The following UBE2O variants were observed in gnomAD, a reference collection of about 807,000 sequenced individuals.
The protein encoded by UBE2O is ubiquitin conjugating enzyme E2 O.
In UBE2O, 15 loss-of-function variants were observed where a neutral mutation model predicts 125.8. That is an observed-to-expected ratio of 0.12 (90% CI 0.08 to 0.18). UBE2O has a LOEUF of 0.18. Among genes scored for constraint, UBE2O ranks in the 10% least tolerant of loss-of-function variants. The pLI is 1.00. For missense variants in UBE2O, 1,280 were observed against 1,723.6 expected (o/e 0.74, Z 4.56); for synonymous variants, 708 against 703.2 (o/e 1.01, Z -0.11).
At chr17:76,412,679 G>A (rs1269615015) in intron 1 of UBE2O, among the ~76,000 whole-genome samples, 3 of 152,166 alleles carry the variant, frequency 2.0e-5, no homozygotes, top group East Asian at 1.9e-4. Flanking sequence ...CAAGACAGGG[G>A]TCACGTGTGT....
intron 1 of UBE2O, among the ~76,000 whole-genome samples, chr17:76,411,910 T>C (rs2072523487): frequency 6.6e-6 from 1 of 152,080 alleles, no homozygotes; most frequent in East Asian, 1.9e-4. Context: ...CTTGAACTCC[T>C]GAGCTCAAGT....
intron 1 of UBE2O, among the ~76,000 whole-genome samples, chr17:76,406,692 GTTT>G (rs66834782): frequency 9.9e-4 from 70 of 70,910 alleles, no homozygotes; most frequent in East Asian, 4.1e-3. Flanking sequence ...AGCCCAAGTT[GTTT>G]TTTTTTTTTT....
Position 76,398,148 on chromosome 17 carries a change from G to A in UBE2O, c.2025+107C>T. 29 of 1,486,104 alleles carry A rather than the reference G, an allele frequency of 2.0e-5. No individual in the cohort carries two copies. The highest frequency in any genetic ancestry group is 2.7e-5 in the Non-Finnish European group (29 of 1,078,440). 92.1% of individuals were successfully genotyped at this position (1,486,104 alleles called of 1,614,324 possible). On this transcript the variant is annotated intron_variant, in intron 12 of 17. Coordinates refer to ENST00000319380, the MANE Select transcript of UBE2O (RefSeq NM_022066.4). The surrounding 1 kb of genome is among the most constrained non-coding windows in gnomAD (Gnocchi z 5.4). ...CCCTTCTGAGGACACTGAGCCCAGA[G>A]GACTTTCAGGTCTTGTCTCCTAGAG...
rs542215423 is a variant in UBE2O, at chr17:76,452,095, T to TC, written c.417+629dup. ...ATCCCGGTCGCAGCTGTCAGAATCC[T>TC]CCCCCCCAAGTACTATTCATACCGG... On this transcript the variant is annotated intron_variant, in intron 1 of 17. Transcript: ENST00000319380. The surrounding 1 kb of genome is among the most constrained non-coding windows in gnomAD (Gnocchi z 4.4). Among the ~76,000 whole-genome samples the TC allele has an allele frequency of 2.3e-3, 342 of 151,834 alleles. 1 individual carries two copies. The highest frequency in any genetic ancestry group is 3.5e-3 in the South Asian group (17 of 4,812).
rs2072299613 is a variant in UBE2O at position 76,400,426 on chromosome 17, T to C, written c.1004+15A>G. The C allele has an allele frequency of 3.7e-6, 6 of 1,604,780 alleles. No individual in the cohort carries two copies. The highest frequency in any genetic ancestry group is 3.3e-4 in the Middle Eastern group (2 of 6,016). On this transcript the variant is annotated intron_variant, in intron 7 of 17. Coordinates refer to ENST00000319380, the MANE Select transcript of UBE2O (RefSeq NM_022066.4). The surrounding 1 kb of genome is among the most constrained non-coding windows in gnomAD (Gnocchi z 4.3). Reference sequence around the variant, plus strand: ...ACGCGTGCCCCTGGGTTGCTGGCAGTAAGGGCATGCTTACCTGCCTAGGTT... The same window carrying C: ...ACGCGTGCCCCTGGGTTGCTGGCAGCAAGGGCATGCTTACCTGCCTAGGTT...
At chr17:76,448,198 G>A (rs2073181066) in intron 1 of UBE2O, among the ~76,000 whole-genome samples, 1 of 152,166 alleles carries the variant, frequency 6.6e-6, no homozygotes, top group Admixed American at 6.5e-5. Context: ...GGGCTAGAAG[G>A]GGAAAAATCA....
rs1179340323 is a variant in UBE2O, at chr17:76,410,952, G to A, written c.418-5380C>T. Among the ~76,000 whole-genome samples, 1 of 149,864 alleles carries A rather than the reference G, an allele frequency of 6.7e-6. No homozygotes were observed. Among genetic ancestry groups the A allele is most frequent in the Admixed American group, 6.7e-5 (1 of 14,836 alleles). ...CAAATTCACTGTATAAAGTGATCCA[G>A]GAATAGAAAACACAAACTGAGGCTG... On this transcript the variant is annotated intron_variant, in intron 1 of 17. Transcript: ENST00000319380. The surrounding 1 kb of genome is among the most constrained non-coding windows in gnomAD (Gnocchi z 4.0).
Position 76,391,159 on chromosome 17 carries a change from C to A in UBE2O, c.3663G>T (p.Glu1221Asp). ...ASRDHTDQTS[E>D]TAPDASVPPS... ...GTGGCACCGATGCGTCTGGTGCGGT[C>A]TCCGAAGTCTGGTCTGTGTGGTCCC... Residue 1221 changes from glutamate to aspartate, a missense_variant, in exon 18 of 18, where the codon GAG becomes GAT. By Grantham distance (45) the Glu-to-Asp change is conservative. This residue lies in a region of UBE2O where 233 missense variants were observed against 279.0 expected (regional missense o/e 0.84). Transcript: ENST00000319380. This position sits in a 1 kb window ranked among gnomAD's most constrained non-coding sequence, Gnocchi z 8.4. 6.2e-7 allele frequency: 1 copy of A among 1,613,604 alleles called. No homozygotes were observed. Among genetic ancestry groups the A allele is most frequent in the Non-Finnish European group, 8.5e-7 (1 of 1,179,742 alleles).
chr17:76,442,368 C>CG (rs1187987529), intron 1 of UBE2O, among the ~76,000 whole-genome samples: 1 of 152,090 alleles, frequency 6.6e-6, no homozygotes, highest in African/African-American at 2.4e-5. Context: ...ACACCTAGTA[C>CG]GGGGGGTGGG....
intron 1 of UBE2O, among the ~76,000 whole-genome samples, chr17:76,409,811 C>T (rs375380912): frequency 6.6e-6 from 1 of 152,156 alleles, no homozygotes; most frequent in East Asian, 1.9e-4. Flanking sequence ...AGTTGCCCTC[C>T]GAGGAGAGGG....
chr17:76,391,522 G>T lies in UBE2O; in HGVS notation c.3300C>A (p.Tyr1100Ter), dbSNP rs771684298. Residue 1100 changes from tyrosine (Y) to a stop codon, truncating the protein, a stop_gained, in exon 18 of 18, where the codon TAC (tyrosine) becomes TAA (stop). Transcript: ENST00000319380. LOFTEE classifies it high-confidence loss of function. This position sits in a 1 kb window ranked among gnomAD's most constrained non-coding sequence, Gnocchi z 8.4. ...CCACGCGGATCAGCGCCATCTCATT[G>T]TAACAGCGACTGTTTTCATAGCCTT... ...LQEGYENSRC[Y>*]NEMALIRVVQ... 6.2e-7 allele frequency: 1 copy of T among 1,614,098 alleles called. No individual in the cohort carries two copies. The highest frequency in any genetic ancestry group is 8.5e-7 in the Non-Finnish European group (1 of 1,180,042).
At chr17:76,408,826 T>C (rs1485240837) in intron 1 of UBE2O, among the ~76,000 whole-genome samples, 7 of 152,068 alleles carry the variant, frequency 4.6e-5, no homozygotes, top group Admixed American at 3.9e-4. Context: ...CAATCCCTAC[T>C]GTTAAGGGGT....
In UBE2O at chr17:76,453,092, G is replaced by T. The variant is rs887079483; in HGVS notation, c.50C>A (p.Ala17Asp). The T allele has an allele frequency of 3.3e-5, 35 of 1,060,634 alleles. No individual in the cohort carries two copies. The highest frequency in any genetic ancestry group is 6.6e-4 in the Middle Eastern group (2 of 3,028). 65.7% of individuals were successfully genotyped at this position (1,060,634 alleles called of 1,614,324 possible). ...GACTGCCTCCGGGGCTGGAGCCGGG[G>T]CCTGGGCTGGAGCGGGAGCTGCGGG... ...PTPAAPAPAQ[A>D]PAPAPEAVPA... The change falls in exon 1 of 18, where the codon GCC (alanine) becomes GAC (aspartate). Residue 17 changes from alanine (A) to aspartate (D), a missense_variant. Physicochemically the swap from Ala to Asp is moderately radical, Grantham distance 126. Around this residue, in one of 10 missense-constraint regions of UBE2O, gnomAD observed 188 missense variants for 192.5 expected, o/e 0.98. Coordinates refer to ENST00000319380, the MANE Select transcript of UBE2O (RefSeq NM_022066.4).
intron 1 of UBE2O, among the ~76,000 whole-genome samples, chr17:76,451,865 T>A (rs140057447): frequency 6.6e-6 from 1 of 151,796 alleles, no homozygotes; most frequent in Admixed American, 6.6e-5. Flanking sequence ...GGGTTCAAGG[T>A]TTCGGGTTTA....
chr17:76,391,734 C>T lies in UBE2O; in HGVS notation c.3208+22G>A. ...TCCACCGGCCCTCCCTTGTCCGCAC[C>T]CCCGCTTCAGCCCAACTGTACCTTG... On this transcript the variant is annotated intron_variant, in intron 17 of 17. Transcript: ENST00000319380. This position sits in a 1 kb window ranked among gnomAD's most constrained non-coding sequence, Gnocchi z 8.4. 6.2e-7 allele frequency: 1 copy of T among 1,613,718 alleles called. No homozygotes were observed. Among genetic ancestry groups the T allele is most frequent in the Non-Finnish European group, 8.5e-7 (1 of 1,179,830 alleles).
chr17:76,450,713 C>T (rs926699552), intron 1 of UBE2O, among the ~76,000 whole-genome samples: 5 of 152,112 alleles, frequency 3.3e-5, no homozygotes, highest in African/African-American at 1.2e-4. Context: ...CCTCCGCCTC[C>T]CTGGTTCAAG....
intron 1 of UBE2O, among the ~76,000 whole-genome samples, chr17:76,407,711 C>T (rs984339153): frequency 6.6e-6 from 1 of 152,240 alleles, no homozygotes; most frequent in African/African-American, 2.4e-5. Context: ...CAGAAAAAAA[C>T]AGCTGGTGAA....
At chr17:76,429,688 T>TA (rs2072871940) in intron 1 of UBE2O, among the ~76,000 whole-genome samples, 2 of 151,910 alleles carry the variant, frequency 1.3e-5, no homozygotes, top group Admixed American at 1.3e-4. Flanking sequence ...AGCCACTACA[T>TA]ACTGGCAATG....
At position 76,398,665 on chromosome 17, in the gene UBE2O, G is replaced by A. The variant is rs920654493; in HGVS notation, c.1784-81C>T. 1.5e-5 allele frequency: 22 copies of A among 1,510,036 alleles called. No homozygotes were observed. The highest frequency in any genetic ancestry group is 1.9e-5 in the Non-Finnish European group (21 of 1,095,642). The allele number at this position is 1,510,036 out of a possible 1,614,324, so 93.5% of individuals were successfully genotyped here. A position where few individuals can be genotyped will look rare whatever the true frequency, so the allele number is the denominator to read the frequency against. On this transcript the variant is annotated intron_variant, in intron 10 of 17. Coordinates refer to ENST00000319380, the MANE Select transcript of UBE2O (RefSeq NM_022066.4). The surrounding 1 kb of genome is among the most constrained non-coding windows in gnomAD (Gnocchi z 5.4). ...ACATCTCAAGCCAGTGCAGAGTGCA[G>A]AACCCTGACCTTCCCCCGTCTTGGA...
Sources: allele counts gnomAD v4.1 joint callset (sites outside exome capture counted in the v4.1 genomes callset), GRCh38; gene constraint gnomAD v4.1.1; regional missense constraint gnomAD v4.1.1; non-coding constraint Gnocchi (gnomAD v3.1); transcripts MANE v1.5; gene names NCBI Gene and HGNC (gene_info 2026-07-23, HGNC 2026-07-21).